PLAT: variants seen among roughly 807,000 people sequenced by gnomAD.
PLAT encodes tissue-type plasminogen activator.
In PLAT, 48 loss-of-function variants were observed where a neutral mutation model predicts 74.9. The observed-to-expected ratio is 0.64, with a 90% CI of 0.51 to 0.82. The LOEUF is 0.82. Ranked by LOEUF, PLAT falls within the 40% of genes least tolerant of loss-of-function variation. PLAT has a pLI of 0.00. For synonymous variants in PLAT, 307 were observed against 294.4 expected (o/e 1.04, Z -0.44); for missense variants, 673 against 736.2 (o/e 0.91, Z 0.99).
At position 42,188,903 on chromosome 8, in the gene PLAT, G is replaced by A. The variant is rs781483763; in HGVS notation, c.253+31C>T. On this transcript the variant is annotated intron_variant, in intron 4 of 13. Coordinates refer to ENST00000220809, the MANE Select transcript of PLAT (RefSeq NM_000930.5). ...GCCTCCTAAAGTGCTGGGATCACAG[G>A]CATGCACCACCTCCCAGCCTCAGTA... 14 of 1,594,498 alleles carry A rather than the reference G, an allele frequency of 8.8e-6. 1 individual carries two copies. In the South Asian group the frequency reaches 1.3e-4, roughly 15 times the overall value.
chr8:42,189,699 AG>A (rs1315874087), intron 3 of PLAT, among the ~76,000 whole-genome samples: 1 of 150,588 alleles, frequency 6.6e-6, no homozygotes, highest in African/African-American at 2.4e-5. Context: ...CCTGGGTTCA[AG>A]TGATTCTCCT....
At chr8:42,176,789 T>G (rs1804989998) in intron 13 of PLAT, among the ~76,000 whole-genome samples, 1 of 152,194 alleles carries the variant, frequency 6.6e-6, no homozygotes, top group Non-Finnish European at 1.5e-5. Context: ...CATCATTCAC[T>G]TATTCTCCAA....
chr8:42,189,212 G>T, intron 3 of PLAT, 141 bp from the exon 4 acceptor site: 1 of 810,070 alleles, frequency 1.2e-6, no homozygotes, highest in South Asian at 1.7e-5. Flanking sequence ...GACACAACTG[G>T]AAGACAACAA....
chr8:42,207,286 C>G (rs923117998), intron 1 of PLAT, among the ~76,000 whole-genome samples: 2 of 152,210 alleles, frequency 1.3e-5, no homozygotes, highest in African/African-American at 4.8e-5. Context: ...GACTGCCTCT[C>G]CCCTCCAAAA....
At chr8:42,180,192 G>T (rs780152804) in intron 11 of PLAT, 50 bp downstream of exon 11, 2 of 1,609,582 alleles carry the variant, frequency 1.2e-6, no homozygotes, top group African/African-American at 1.3e-5. Context: ...GTGCATGTGG[G>T]TGTGTTGTGT....
chr8:42,193,698 C>G (rs1470709094), intron 1 of PLAT: 1 of 153,032 alleles, frequency 6.5e-6, no homozygotes, highest in Non-Finnish European at 1.4e-5. Context: ...CAAGGTGCAT[C>G]CATGCTGTAG....
At chr8:42,190,157 C>T (rs1805629583) in intron 3 of PLAT, among the ~76,000 whole-genome samples, 1 of 152,106 alleles carries the variant, frequency 6.6e-6, no homozygotes, top group South Asian at 2.1e-4. Flanking sequence ...TGGTCTTGAA[C>T]TCCTGGGCTA....
At chr8:42,191,621 C>G (rs1805690612) in intron 2 of PLAT, among the ~76,000 whole-genome samples, 1 of 152,154 alleles carries the variant, frequency 6.6e-6, no homozygotes, top group Admixed American at 6.6e-5. Context: ...TCCAGAAGAG[C>G]TTTCTGCTTG....
At chr8:42,205,229 T>A (rs1023469623) in intron 1 of PLAT, among the ~76,000 whole-genome samples, 11 of 151,744 alleles carry the variant, frequency 7.2e-5, no homozygotes, top group African/African-American at 2.4e-4. Flanking sequence ...ATTGTTTTTG[T>A]AAAAATGAAG....
intron 7 of PLAT, 85 bp from the exon 8 acceptor site, chr8:42,182,975 G>T: frequency 8.9e-7 from 1 of 1,123,418 alleles, no homozygotes; most frequent in Non-Finnish European, 1.3e-6. Context: ...GGAGCTGCCG[G>T]TCGAGGAAGC....
At position 42,180,291 on chromosome 8, in the gene PLAT, T is replaced by C. The variant is rs199960677; in HGVS notation, c.1173A>G (p.Lys391=). The C allele has an allele frequency of 4.3e-5, 70 of 1,614,234 alleles. No homozygotes were observed. The African/African-American group carries it at 7.6e-4, about 18-fold the overall frequency. Residue 391 remains lysine (K), a synonymous_variant, in exon 11 of 14, where the codon AAA becomes AAG. Transcript: ENST00000220809. ...CATCGAATTCCTTATGGACAATGTA[T>C]TTTTCGACTTCAAATTTCTGCTCCT... is the stretch of plus-strand genomic sequence containing the variant. ...GEEEQKFEVE[K]YIVHKEFDDD...
chr8:42,192,816 T>G (rs1484370391), intron 2 of PLAT, among the ~76,000 whole-genome samples: 1 of 152,226 alleles, frequency 6.6e-6, no homozygotes, highest in Non-Finnish European at 1.5e-5. Context: ...GAATACATTC[T>G]TTAAAAACAG....
chr8:42,194,817 AC>A (rs1165638091), intron 1 of PLAT, among the ~76,000 whole-genome samples: 1 of 122,422 alleles, frequency 8.2e-6, no homozygotes, highest in African/African-American at 2.9e-5. Context: ...CTCTGCCAGA[AC>A]ATCTGTCTCC....
At chr8:42,177,954 C>T (rs1805038287) in intron 13 of PLAT, among the ~76,000 whole-genome samples, 2 of 152,222 alleles carry the variant, frequency 1.3e-5, no homozygotes, top group Admixed American at 1.3e-4. Context: ...TCGCACGCTG[C>T]AGGCACTGAA....
In PLAT at chr8:42,180,366, G is replaced by T; in HGVS notation, c.1098C>A (p.His366Gln). 6.2e-7 allele frequency: 1 copy of T among 1,614,244 alleles called. No individual in the cohort carries two copies. The highest frequency in any genetic ancestry group is 8.5e-7 in the Non-Finnish European group (1 of 1,180,032). The change falls in exon 11 of 14, where the codon CAC (histidine) becomes CAA (glutamine). Residue 366 changes from histidine (H) to glutamine (Q), a missense_variant. By Grantham distance (24) the His-to-Gln change is conservative (BLOSUM62 0). Coordinates refer to ENST00000220809, the MANE Select transcript of PLAT (RefSeq NM_000930.5). ...AHCFQERFPPHHLTVILGRTY... is the reference protein window; with the variant it reads ...AHCFQERFPPQHLTVILGRTY... ...TTCTGCCCAAGATCACCGTCAGGTG[G>T]TGGGGCGGAAACCTGGTGGAGAAAC...
At chr8:42,187,196 TTATC>T (rs777198621) in intron 6 of PLAT, 198 bp downstream of exon 6, 168 of 482,854 alleles carry the variant, frequency 3.5e-4, no homozygotes, top group Non-Finnish European at 5.4e-4. Flanking sequence ...TATCATCTAT[TTATC>T]TAATCTATCA....
chr8:42,187,615 T>C, intron 5 of PLAT, 43 bp from the exon 6 acceptor site: 1 of 1,526,974 alleles, frequency 6.5e-7, no homozygotes, highest in Non-Finnish European at 8.9e-7. Flanking sequence ...GGGAGTCCCC[T>C]TTCATTCAGC....
intron 1 of PLAT, among the ~76,000 whole-genome samples, 186 bp from the exon 2 acceptor site, chr8:42,193,397 A>G (rs1682286414): frequency 6.6e-6 from 1 of 152,198 alleles, no homozygotes; most frequent in African/African-American, 2.4e-5. Flanking sequence ...CAAAATATAT[A>G]TAACACAAAA....
In PLAT at chr8:42,180,043, A is replaced by T. The variant is rs994755363; in HGVS notation, c.1246T>A (p.Ser416Thr). Reference sequence around the variant, plus strand: ...CTGCTCTCCTGGGCACAGCGGGACGAATCCGATTTCAGCTGCAGCAGCGCT... The same window carrying T: ...CTGCTCTCCTGGGCACAGCGGGACGTATCCGATTTCAGCTGCAGCAGCGCT... Reference protein sequence around the residue: ...DIALLQLKSDSSRCAQESSVV... With the variant: ...DIALLQLKSDTSRCAQESSVV... Residue 416 changes from serine to threonine, a missense_variant, in exon 12 of 14, where the codon TCG (serine) becomes ACG (threonine). Ser to Thr is a moderately conservative substitution (Grantham distance 58). Coordinates refer to ENST00000220809, the MANE Select transcript of PLAT (RefSeq NM_000930.5). The T allele has an allele frequency of 2.5e-6, 4 of 1,609,192 alleles. No homozygotes were observed. In the African/African-American group the frequency reaches 4.0e-5, roughly 16 times the overall value.
Sources: gnomAD v4.1 joint callset for allele counts (sites outside exome capture counted in the v4.1 genomes callset) on GRCh38, gnomAD v4.1.1 for gene constraint, MANE v1.5 for transcripts, NCBI Gene and HGNC (gene_info 2026-07-23, HGNC 2026-07-21) for gene names.